The following NEXMIF variants were observed in gnomAD, a reference collection of about 807,000 sequenced individuals.
NEXMIF encodes neurite extension and migration factor.
NEXMIF carries 8 observed loss-of-function variants against 62.1 expected under a neutral mutation model. The ratio of observed to expected loss-of-function variants is 0.13; its 90% CI spans 0.08 to 0.23. The LOEUF (loss-of-function observed/expected upper bound fraction) is 0.23, where lower values mean the gene tolerates loss of function less well. Among genes scored for constraint, NEXMIF ranks in the 10% least tolerant of loss-of-function variants. The probability of loss-of-function intolerance (pLI) is 1.00; values close to 1 mark genes in which losing one functional copy is unlikely to be tolerated. For synonymous variants in NEXMIF, 404 were observed against 416.6 expected (o/e 0.97, Z 0.37); for missense variants, 976 against 1,113.3 (o/e 0.88, Z 1.75).
At chrX:74,793,171 G>A (rs2080291860) in intron 1 of NEXMIF, among the ~76,000 whole-genome samples, 1 of 110,680 alleles carries the variant, frequency 9.0e-6, no homozygotes, top group Non-Finnish European at 1.9e-5. Flanking sequence ...GGCAGGCCTG[G>A]TGGTGACAAA....
chrX:74,820,558 T>C (rs2080391564), intron 1 of NEXMIF, among the ~76,000 whole-genome samples: 1 of 111,550 alleles, frequency 9.0e-6, no homozygotes, highest in African/African-American at 3.3e-5. Context: ...TGCATGAGTA[T>C]GTTCATGATA....
chrX:74,847,670 C>G (rs1483847939), intron 1 of NEXMIF, among the ~76,000 whole-genome samples: 1 of 111,766 alleles, frequency 8.9e-6, no homozygotes, highest in Non-Finnish European at 1.9e-5. Flanking sequence ...TCGCAGCCCA[C>G]ATATGTTGTC....
At chrX:74,872,271 C>T (rs2080604519) in intron 1 of NEXMIF, among the ~76,000 whole-genome samples, 1 of 110,958 alleles carries the variant, frequency 9.0e-6, no homozygotes, top group Non-Finnish European at 1.9e-5. Context: ...CTGTCATTTG[C>T]AACAGCATGG....
intron 1 of NEXMIF, among the ~76,000 whole-genome samples, chrX:74,816,512 T>C (rs1415239981): frequency 5.3e-5 from 6 of 112,364 alleles, no homozygotes; most frequent in Admixed American, 1.9e-4. Context: ...GAGTTGCTTC[T>C]TTTTTAATTC....
intron 1 of NEXMIF, among the ~76,000 whole-genome samples, chrX:74,895,806 G>A (rs1339662774): frequency 1.9e-5 from 2 of 106,773 alleles, no homozygotes; most frequent in Non-Finnish European, 3.9e-5. Flanking sequence ...GGGGGTAGGG[G>A]TGTGAAGCGG....
chrX:74,791,368 A>T (rs2080281946), intron 1 of NEXMIF, among the ~76,000 whole-genome samples: 1 of 111,361 alleles, frequency 9.0e-6, no homozygotes, highest in African/African-American at 3.3e-5. Context: ...GTGCTGCTGG[A>T]TTCGGTTTGC....
intron 1 of NEXMIF, among the ~76,000 whole-genome samples, chrX:74,849,560 A>G (rs1363472772): frequency 8.9e-6 from 1 of 112,267 alleles, no homozygotes; most frequent in Non-Finnish European, 1.9e-5. Context: ...CTCCATTTTG[A>G]AAGGCCAGGC....
At chrX:74,807,629 A>T (rs1405139448) in intron 1 of NEXMIF, among the ~76,000 whole-genome samples, 1 of 111,405 alleles carries the variant, frequency 9.0e-6, no homozygotes. Flanking sequence ...CACCCAGCTA[A>T]TTTTTGTATT....
At chrX:74,824,308 A>G (rs1260702051) in intron 1 of NEXMIF, among the ~76,000 whole-genome samples, 1 of 111,751 alleles carries the variant, frequency 8.9e-6, no homozygotes, top group African/African-American at 3.3e-5. Context: ...TGTAACCACC[A>G]TCTACTATCT....
chrX:74,898,304 C>T (rs1331490372), intron 1 of NEXMIF, among the ~76,000 whole-genome samples: 3 of 111,654 alleles, frequency 2.7e-5, no homozygotes, highest in Admixed American at 9.5e-5. Flanking sequence ...AAACACATTA[C>T]CCCAGTCTAA....
At chrX:74,796,271 TATAC>T (rs2080311281) in intron 1 of NEXMIF, among the ~76,000 whole-genome samples, 1 of 51,257 alleles carries the variant, frequency 2.0e-5, no homozygotes, top group Non-Finnish European at 3.4e-5. Context: ...ATATTATATA[TATAC>T]ATATATATTA....
At chrX:74,760,358 T>C (rs1422063622) in intron 1 of NEXMIF, among the ~76,000 whole-genome samples, 1 of 111,870 alleles carries the variant, frequency 8.9e-6, no homozygotes, top group African/African-American at 3.2e-5. Flanking sequence ...TGACTTCCTC[T>C]CTTCCTATTT....
chrX:74,798,439 G>C lies in NEXMIF; in HGVS notation c.-47-52742C>G, dbSNP rs146118127. 9.4e-4 allele frequency among the ~76,000 whole-genome samples: 105 copies of C among 112,030 alleles called. No homozygotes were observed. In the East Asian group the frequency reaches 0.024, roughly 26 times the overall value. ...ATGGCACACAACCTGAGAAACTCTG[G>C]CTTTCCCGTAAAGTTCATAGCTTTG... is the stretch of plus-strand genomic sequence containing the variant. On this transcript the variant is annotated intron_variant, in intron 1 of 3. Transcript: ENST00000055682.
At chrX:74,821,013 C>T (rs2080393526) in intron 1 of NEXMIF, among the ~76,000 whole-genome samples, 1 of 111,023 alleles carries the variant, frequency 9.0e-6, no homozygotes, top group Non-Finnish European at 1.9e-5. Flanking sequence ...GTCCCCTCAA[C>T]CTAAAATAAA....
chrX:74,868,376 C>G (rs2080587715), intron 1 of NEXMIF, among the ~76,000 whole-genome samples: 1 of 111,663 alleles, frequency 9.0e-6, no homozygotes, highest in Non-Finnish European at 1.9e-5. Context: ...GGAATCAACC[C>G]AAATGCCCAT....
chrX:74,892,607 C>T (rs188051548), intron 1 of NEXMIF, among the ~76,000 whole-genome samples: 41 of 112,393 alleles, frequency 3.6e-4, no homozygotes, highest in Non-Finnish European at 7.3e-4. Flanking sequence ...AATTCAATTT[C>T]TTCATCAAAG....
At chrX:74,859,849 A>T (rs1048340066) in intron 1 of NEXMIF, among the ~76,000 whole-genome samples, 1 of 111,470 alleles carries the variant, frequency 9.0e-6, no homozygotes, top group African/African-American at 3.3e-5. Context: ...CAGCTTAAAA[A>T]GCCTCGTGGT....
intron 1 of NEXMIF, among the ~76,000 whole-genome samples, chrX:74,802,093 C>G (rs890420344): frequency 8.9e-6 from 1 of 112,274 alleles, no homozygotes; most frequent in East Asian, 2.8e-4. Context: ...GTCCCTGGCA[C>G]CTGTACAGCA....
intron 1 of NEXMIF, among the ~76,000 whole-genome samples, chrX:74,875,507 A>G (rs1191179056): frequency 6.9e-4 from 77 of 112,182 alleles, no homozygotes; most frequent in Non-Finnish European, 5.4e-4. Context: ...CGCTGGCCTC[A>G]TAAAATGAGT....
Sources: allele counts gnomAD v4.1 joint callset (sites outside exome capture counted in the v4.1 genomes callset), GRCh38; gene constraint gnomAD v4.1.1; transcripts MANE v1.5; gene names NCBI Gene and HGNC (gene_info 2026-07-23, HGNC 2026-07-21).